The following GALNT17 variants were observed in gnomAD, a reference collection of about 807,000 sequenced individuals.
GALNT17 encodes the protein UDP-GalNAc:polypeptide N-acetylgalactosaminyltransferase-like 3.
Under a neutral mutation model 63.7 loss-of-function variants are expected in GALNT17, and 29 were observed. The ratio of observed to expected loss-of-function variants is 0.46; its 90% CI spans 0.34 to 0.62. GALNT17 has a LOEUF of 0.62. Ranked by LOEUF, GALNT17 falls within the 20% of genes least tolerant of loss-of-function variation. The probability of loss-of-function intolerance (pLI) is 0.01; values close to 1 mark genes in which losing one functional copy is unlikely to be tolerated. For synonymous variants in GALNT17, 305 were observed against 318.3 expected (o/e 0.96, Z 0.45); for missense variants, 603 against 799.6 (o/e 0.75, Z 2.97).
At chr7:71,583,162 G>A (rs936761830) in intron 6 of GALNT17, among the ~76,000 whole-genome samples, 1 of 152,026 alleles carries the variant, frequency 6.6e-6, no homozygotes, top group South Asian at 2.1e-4. Context: ...TAGCAGGATC[G>A]CGACTCACTG....
chr7:71,690,616 C>CT (rs371286480), intron 9 of GALNT17, among the ~76,000 whole-genome samples: 39 of 152,218 alleles, frequency 2.6e-4, no homozygotes, highest in African/African-American at 9.4e-4. Context: ...CCATGGAAAG[C>CT]TTTTTGGGAA....
At chr7:71,303,016 T>A (rs1791228713) in intron 1 of GALNT17, among the ~76,000 whole-genome samples, 1 of 152,022 alleles carries the variant, frequency 6.6e-6, no homozygotes, top group African/African-American at 2.4e-5. Flanking sequence ...AGGCACGTGC[T>A]GCCATGCCCG....
chr7:71,193,407 A>G (rs569785293), intron 1 of GALNT17, among the ~76,000 whole-genome samples: 19 of 135,452 alleles, frequency 1.4e-4, no homozygotes, highest in African/African-American at 3.9e-4. Flanking sequence ...CCCCTCATCT[A>G]TTGCAATTGT....
chr7:71,525,058 T>A (rs1014731422), intron 5 of GALNT17, among the ~76,000 whole-genome samples: 4 of 152,252 alleles, frequency 2.6e-5, no homozygotes, highest in Non-Finnish European at 4.4e-5. Flanking sequence ...ATACATTTTA[T>A]TAAGTTGGTG....
intron 6 of GALNT17, among the ~76,000 whole-genome samples, chr7:71,586,109 G>A (rs1452260409): frequency 2.0e-5 from 3 of 151,190 alleles, no homozygotes; most frequent in Non-Finnish European, 3.0e-5. Flanking sequence ...GTGTCACCAC[G>A]TTGGCCAGGC....
At chr7:71,210,397 A>G (rs540203625) in intron 1 of GALNT17, among the ~76,000 whole-genome samples, 1 of 152,130 alleles carries the variant, frequency 6.6e-6, no homozygotes, top group Admixed American at 6.5e-5. Context: ...TCGGCCTCCC[A>G]AAGTGCCAGG....
intron 8 of GALNT17, among the ~76,000 whole-genome samples, chr7:71,671,890 C>T (rs1384420518): frequency 6.6e-6 from 1 of 151,908 alleles, no homozygotes; most frequent in Non-Finnish European, 1.5e-5. Flanking sequence ...ACTAGCTGAG[C>T]GTGGTGGCTG....
intron 1 of GALNT17, among the ~76,000 whole-genome samples, chr7:71,235,319 G>A (rs928400335): frequency 6.6e-6 from 1 of 151,942 alleles, no homozygotes; most frequent in Non-Finnish European, 1.5e-5. Context: ...CAGACCCTCT[G>A]CCCAGGGTTT....
chr7:71,507,046 A>G (rs1359814515), intron 5 of GALNT17, among the ~76,000 whole-genome samples: 1 of 152,188 alleles, frequency 6.6e-6, no homozygotes, highest in African/African-American at 2.4e-5. Flanking sequence ...GCCAGCCTGG[A>G]CAACATAGTG....
chr7:71,458,790 G>C (rs1787400081), intron 5 of GALNT17, among the ~76,000 whole-genome samples: 1 of 152,196 alleles, frequency 6.6e-6, no homozygotes, highest in African/African-American at 2.4e-5. Context: ...TCCATGTTCA[G>C]ACGCTCCTTC....
chr7:71,252,405 G>C (rs1359792562), intron 1 of GALNT17, among the ~76,000 whole-genome samples: 1 of 151,904 alleles, frequency 6.6e-6, no homozygotes, highest in Admixed American at 6.6e-5. Flanking sequence ...CGTGCCTGTA[G>C]TCCCAGCTAC....
chr7:71,596,318 G>A (rs1251669889), intron 6 of GALNT17, among the ~76,000 whole-genome samples: 6 of 152,066 alleles, frequency 3.9e-5, no homozygotes, highest in East Asian at 3.9e-4. Context: ...GATTACAGGC[G>A]TGAGCCACTG....
chr7:71,527,196 A>G (rs545201744), intron 5 of GALNT17, among the ~76,000 whole-genome samples: 75 of 152,362 alleles, frequency 4.9e-4, no homozygotes, highest in Non-Finnish European at 8.5e-4. Context: ...ATATGAAAAC[A>G]TCACCCATAA....
chr7:71,561,922 T>G (rs1562691727), intron 5 of GALNT17, among the ~76,000 whole-genome samples: 1 of 151,960 alleles, frequency 6.6e-6, no homozygotes, highest in Non-Finnish European at 1.5e-5. Flanking sequence ...CTCCCCTGAT[T>G]TACAGGCTAT....
chr7:71,616,738 T>C (rs1283396269), intron 6 of GALNT17, among the ~76,000 whole-genome samples: 1 of 112,542 alleles, frequency 8.9e-6, no homozygotes, highest in African/African-American at 3.0e-5. Context: ...ACAATTTGTT[T>C]ACATTATATA....
chr7:71,160,435 A>G (rs1217880030), intron 1 of GALNT17, among the ~76,000 whole-genome samples: 9 of 152,120 alleles, frequency 5.9e-5, no homozygotes, highest in African/African-American at 1.9e-4. Flanking sequence ...CTGCTTTCAA[A>G]TTTTTATTAT....
At chr7:71,673,651 G>A (rs1791104356) in intron 8 of GALNT17, among the ~76,000 whole-genome samples, 1 of 152,122 alleles carries the variant, frequency 6.6e-6, no homozygotes, top group Non-Finnish European at 1.5e-5. Context: ...ACCAGCCTGT[G>A]CCCCCCAGGC....
intron 1 of GALNT17, among the ~76,000 whole-genome samples, chr7:71,205,832 G>A (rs1789261594): frequency 6.6e-6 from 1 of 152,026 alleles, no homozygotes; most frequent in Non-Finnish European, 1.5e-5. Flanking sequence ...ATTGAGTTAG[G>A]ATTTAATAAT....
chr7:71,276,946 C>T (rs975808449), intron 1 of GALNT17, among the ~76,000 whole-genome samples: 7 of 151,950 alleles, frequency 4.6e-5, no homozygotes, highest in East Asian at 1.9e-4. Context: ...TGCAGTGAGC[C>T]GAGATTGTGC....
Sources: allele counts gnomAD v4.1 joint callset (sites outside exome capture counted in the v4.1 genomes callset), GRCh38; gene constraint gnomAD v4.1.1; transcripts MANE v1.5; gene names NCBI Gene and HGNC (gene_info 2026-07-23, HGNC 2026-07-21).